ANXA10: variants seen among roughly 807,000 people sequenced by gnomAD.
ANXA10 encodes annexin A10.
In ANXA10, 49 loss-of-function variants were observed where a neutral mutation model predicts 53.5. The ratio of observed to expected loss-of-function variants is 0.92; its 90% confidence interval spans 0.73 to 1.16. The LOEUF is 1.16. ANXA10 is among the 50% of genes most tolerant of loss of function. The pLI is 0.00. For missense variants in ANXA10, 393 were observed against 394.4 expected (o/e 1.00, Z 0.03); for synonymous variants, 131 against 128.9 (o/e 1.02, Z -0.11).
chr4:168,123,320 T>C (rs1383219322), intron 1 of ANXA10, among the ~76,000 whole-genome samples: 1 of 151,720 alleles, frequency 6.6e-6, no homozygotes, highest in East Asian at 1.9e-4. Flanking sequence ...ACTATTGCAA[T>C]AGGGGAAAAG....
chr4:168,137,512 A>T (rs1422548824), intron 2 of ANXA10, among the ~76,000 whole-genome samples: 3 of 152,126 alleles, frequency 2.0e-5, no homozygotes, highest in African/African-American at 7.2e-5. Context: ...GCTCCCACCC[A>T]TCAGTGAGAA....
Position 168,102,690 on chromosome 4 carries a change from G to A in ANXA10, c.18+9972G>A, listed in dbSNP as rs569600824. 7.2e-5 allele frequency among the ~76,000 whole-genome samples: 11 copies of A among 152,148 alleles called. No homozygotes were observed. The South Asian group carries it at 1.9e-3, about 26-fold the overall frequency. On this transcript the variant is annotated intron_variant, in intron 1 of 11. Coordinates refer to ENST00000359299, the MANE Select transcript of ANXA10 (RefSeq NM_007193.5). ...ATGGATGAACTGTGGGTTGTTTCAG[G>A]ATTTAGTGATTATAAATAAAGCTGC...
In ANXA10 at chr4:168,165,388, C is replaced by CAAAAA. The variant is rs1731858623; in HGVS notation, c.480+62_480+63insAAAAA. ...CTAAGCAAATAAGTATATGTCATTG[C>CAAAAA]CAAAAAAAAAAAAAAAAATAGAACA... is the stretch of plus-strand genomic sequence containing the variant. On this transcript the variant is annotated intron_variant, in intron 6 of 11. Transcript: ENST00000359299. The CAAAAA allele has an allele frequency of 6.3e-6, 3 of 477,970 alleles. No homozygotes were observed. The East Asian group carries it at 1.4e-4, about 22-fold the overall frequency. The allele number at this position is 477,970 out of a possible 1,614,324, so 29.6% of individuals were successfully genotyped here.
At chr4:168,156,131 T>G (rs1383476465) in intron 3 of ANXA10, among the ~76,000 whole-genome samples, 3 of 38,146 alleles carry the variant, frequency 7.9e-5, no homozygotes, top group Non-Finnish European at 1.3e-4. Context: ...TATTTATATA[T>G]ATTATATATA....
intron 1 of ANXA10, among the ~76,000 whole-genome samples, chr4:168,095,406 T>C (rs1730525648): frequency 6.6e-6 from 1 of 152,018 alleles, no homozygotes; most frequent in Non-Finnish European, 1.5e-5. Flanking sequence ...TTCTATAATA[T>C]TTATTGACTG....
chr4:168,145,432 CA>C (rs1731391645), intron 3 of ANXA10, among the ~76,000 whole-genome samples: 2 of 152,294 alleles, frequency 1.3e-5, no homozygotes, highest in Admixed American at 1.3e-4. Flanking sequence ...ATCTTTGTTT[CA>C]AAGTTAAATT....
At chr4:168,153,459 C>CAAAAAAAAA (rs200411170) in intron 3 of ANXA10, among the ~76,000 whole-genome samples, 1 of 36,806 alleles carries the variant, frequency 2.7e-5, no homozygotes, top group Non-Finnish European at 7.5e-5. Context: ...AAAAACAAAA[C>CAAAAAAAAA]AAAAAAAAAA....
chr4:168,186,105 C>CAA (rs1732364698), intron 11 of ANXA10, among the ~76,000 whole-genome samples: 1 of 152,198 alleles, frequency 6.6e-6, no homozygotes, highest in Admixed American at 6.5e-5. Flanking sequence ...ACAACCGACT[C>CAA]AAAGTCTGCT....
chr4:168,128,511 T>C (rs925006992), intron 2 of ANXA10, among the ~76,000 whole-genome samples: 4 of 152,180 alleles, frequency 2.6e-5, no homozygotes, highest in Admixed American at 6.5e-5. Flanking sequence ...CTAGCTTGTT[T>C]CATTTGCTAT....
chr4:168,143,592 T>C (rs1301968738), intron 3 of ANXA10, among the ~76,000 whole-genome samples: 1 of 152,160 alleles, frequency 6.6e-6, no homozygotes, highest in Non-Finnish European at 1.5e-5. Context: ...TTAAAAACAA[T>C]GCAGTGACAC....
intron 1 of ANXA10, 58 bp from the exon 2 acceptor site, chr4:168,128,026 A>G: frequency 6.7e-7 from 1 of 1,490,224 alleles, no homozygotes; most frequent in South Asian, 1.1e-5. Flanking sequence ...GCCCGGCCAC[A>G]ATGTTGAAAC....
chr4:168,172,306 C>T (rs1212540903), intron 6 of ANXA10, among the ~76,000 whole-genome samples: 1 of 152,136 alleles, frequency 6.6e-6, no homozygotes, highest in Non-Finnish European at 1.5e-5. Flanking sequence ...CAGATAGGCA[C>T]CATTTCAGGT....
intron 3 of ANXA10, among the ~76,000 whole-genome samples, chr4:168,153,090 G>A (rs1240969826): frequency 1.3e-5 from 2 of 151,918 alleles, no homozygotes; most frequent in Admixed American, 6.6e-5. Context: ...GCAATCTGGC[G>A]GCCTCAGCCT....
At chr4:168,142,100 C>T (rs1162044702) in intron 3 of ANXA10, among the ~76,000 whole-genome samples, 2 of 152,082 alleles carry the variant, frequency 1.3e-5, no homozygotes, top group Admixed American at 6.6e-5. Flanking sequence ...ATTGTCCACC[C>T]GCTACAGCAT....
intron 1 of ANXA10, chr4:168,127,865 T>C: frequency 2.8e-6 from 1 of 356,408 alleles, no homozygotes; most frequent in East Asian, 6.1e-5. Context: ...TAGCTGGGAT[T>C]ACAGGCGCCA....
At chr4:168,157,725 A>G (rs1242863403) in intron 3 of ANXA10, among the ~76,000 whole-genome samples, 1 of 152,086 alleles carries the variant, frequency 6.6e-6, no homozygotes, top group Non-Finnish European at 1.5e-5. Flanking sequence ...ATCATGTCAT[A>G]TGTGCTCTTT....
chr4:168,129,732 A>C (rs892013734), intron 2 of ANXA10, among the ~76,000 whole-genome samples: 18 of 152,190 alleles, frequency 1.2e-4, no homozygotes, highest in South Asian at 4.1e-4. Flanking sequence ...AACAAATGAA[A>C]GTGAGTAGCT....
chr4:168,155,917 ATATATCATATAT>A (rs1469422130), intron 3 of ANXA10, among the ~76,000 whole-genome samples: 4 of 82,268 alleles, frequency 4.9e-5, no homozygotes, highest in African/African-American at 2.0e-4. Flanking sequence ...ATATTATATT[ATATATCATATAT>A]TATATGTTAT....
chr4:168,110,815 C>A (rs1730796311), intron 1 of ANXA10, among the ~76,000 whole-genome samples: 1 of 151,952 alleles, frequency 6.6e-6, no homozygotes, highest in South Asian at 2.1e-4. Context: ...CCAACCAGAG[C>A]CATGCATTAT....
Sources: gnomAD v4.1 joint callset for allele counts (sites outside exome capture counted in the v4.1 genomes callset) on GRCh38, gnomAD v4.1.1 for gene constraint, MANE v1.5 for transcripts, NCBI Gene and HGNC (gene_info 2026-07-23, HGNC 2026-07-21) for gene names.